HTR4: variants seen among roughly 807,000 people sequenced by gnomAD.
The protein encoded by HTR4 is 5-hydroxytryptamine receptor 4, also known as 5-hydroxytryptamine (serotonin) receptor 4, G protein-coupled.
In HTR4, 16 loss-of-function variants were observed where a neutral mutation model predicts 36.8. That is an observed-to-expected ratio of 0.43 (90% CI 0.29 to 0.66). The LOEUF (loss-of-function observed/expected upper bound fraction) is 0.66. Ranked by LOEUF, HTR4 falls within the 30% of genes least tolerant of loss-of-function variation. HTR4 has a pLI of 0.13. For missense variants in HTR4, 438 were observed against 490.9 expected (o/e 0.89, Z 1.02); for synonymous variants, 189 against 185.1 (o/e 1.02, Z -0.17).
At chr5:148,562,002 C>T (rs544984379) in intron 2 of HTR4, among the ~76,000 whole-genome samples, 2 of 152,316 alleles carry the variant, frequency 1.3e-5, no homozygotes, top group African/African-American at 4.8e-5. Flanking sequence ...TCTCTTCTTA[C>T]TTCTGCCTCT....
chr5:148,523,140 C>A (rs7725785), intron 5 of HTR4, 53 bp downstream of exon 5: 129,621 of 1,453,676 alleles, frequency 0.089, 11,069 homozygotes, highest in African/African-American at 0.39. Flanking sequence ...ATTTAGGAAC[C>A]CCATGCAAAG....
At chr5:148,532,999 A>G (rs1471913310) in intron 4 of HTR4, among the ~76,000 whole-genome samples, 1 of 152,208 alleles carries the variant, frequency 6.6e-6, no homozygotes, top group Non-Finnish European at 1.5e-5. Context: ...AGGAGTTACC[A>G]AAAGATTTTT....
At chr5:148,569,576 G>C (rs1261802104) in intron 2 of HTR4, among the ~76,000 whole-genome samples, 2 of 150,994 alleles carry the variant, frequency 1.3e-5, no homozygotes. Context: ...TTATTTTATT[G>C]TATGTATATT....
intron 1 of HTR4, among the ~76,000 whole-genome samples, chr5:148,637,660 C>A (rs1054507989): frequency 1.3e-5 from 2 of 152,102 alleles, no homozygotes; most frequent in African/African-American, 4.8e-5. Context: ...AATTCCCAAT[C>A]GAAGGAGAGT....
intron 2 of HTR4, among the ~76,000 whole-genome samples, chr5:148,581,275 T>C (rs1246436006): frequency 6.6e-6 from 1 of 152,082 alleles, no homozygotes; most frequent in Admixed American, 6.6e-5. Context: ...GGCTAGCAAC[T>C]ATTTTCTCTC....
At chr5:148,653,721 C>G (rs1289369456) in intron 1 of HTR4, among the ~76,000 whole-genome samples, 2 of 152,134 alleles carry the variant, frequency 1.3e-5, no homozygotes, top group Admixed American at 6.5e-5. Context: ...AGCCTGTGCG[C>G]GCTCTCTCTT....
At chr5:148,451,123 G>A (rs1423043710) in exon 6 of HTR4, 4 of 1,609,252 alleles carry the variant, frequency 2.5e-6, no homozygotes, top group Non-Finnish European at 3.4e-6. Context: ...GTGATGCCAG[G>A]GTGACCTGTT....
intron 5 of HTR4, among the ~76,000 whole-genome samples, chr5:148,467,902 T>G (rs1194112731): frequency 6.6e-6 from 1 of 152,216 alleles, no homozygotes; most frequent in Non-Finnish European, 1.5e-5. Flanking sequence ...CCACAAACCC[T>G]TGAGGTTGGT....
At chr5:148,609,888 G>A (rs1158636318) in intron 2 of HTR4, among the ~76,000 whole-genome samples, 1 of 152,068 alleles carries the variant, frequency 6.6e-6, no homozygotes, top group Admixed American at 6.6e-5. Flanking sequence ...TGCCCAGCTG[G>A]TATTTTTTTT....
At chr5:148,534,657 G>A (rs1305974463) in intron 4 of HTR4, among the ~76,000 whole-genome samples, 3 of 152,070 alleles carry the variant, frequency 2.0e-5, no homozygotes, top group Non-Finnish European at 4.4e-5. Flanking sequence ...TTGACCCAAG[G>A]AGAGGAGGCC....
chr5:148,627,174 T>C (rs567874558), intron 2 of HTR4, among the ~76,000 whole-genome samples: 5 of 152,318 alleles, frequency 3.3e-5, no homozygotes, highest in African/African-American at 1.2e-4. Flanking sequence ...GTCAACCCTG[T>C]AACCCTATTT....
At chr5:148,568,117 C>T (rs1357743267) in intron 2 of HTR4, among the ~76,000 whole-genome samples, 1 of 152,146 alleles carries the variant, frequency 6.6e-6, no homozygotes, top group African/African-American at 2.4e-5. Flanking sequence ...ATGAAATACT[C>T]TATCTTTTCC....
intron 2 of HTR4, among the ~76,000 whole-genome samples, chr5:148,581,342 G>A (rs774942075): frequency 1.8e-4 from 28 of 151,788 alleles, no homozygotes; most frequent in Admixed American, 1.3e-3. Context: ...AAGTGTTTTC[G>A]TTTAATGTAG....
At chr5:148,471,270 G>A (rs1233476659) in intron 5 of HTR4, among the ~76,000 whole-genome samples, 1 of 152,174 alleles carries the variant, frequency 6.6e-6, no homozygotes, top group Non-Finnish European at 1.5e-5. Flanking sequence ...CAGGCTGAGA[G>A]CTAGCCGACC....
rs56021250 is a variant in HTR4 at position 148,540,400 on chromosome 5, GTATATATATATATATATATATA to G, written c.353+8246_353+8267del. Among the ~76,000 whole-genome samples, 78 of 74,288 alleles carry G rather than the reference GTATATATATATATATATATATA, an allele frequency of 1.0e-3. 2 individuals carry two copies. Among genetic ancestry groups the G allele is most frequent in the Admixed American group, 2.1e-3 (14 of 6,772 alleles). The allele number at this position is 74,288 out of a possible 152,430, so 48.7% of individuals were successfully genotyped here. The stretch of plus-strand genomic sequence containing the variant: ...ATTTTAGGTTTTATTTTATGTGTGT[GTATATATATATATATATATATA>G]TATATATATATATATATATATATAT... On this transcript the variant is annotated intron_variant, in intron 4 of 6. Transcript: ENST00000377888.
At chr5:148,557,347 A>C (rs1272175710) in intron 2 of HTR4, among the ~76,000 whole-genome samples, 1 of 146,098 alleles carries the variant, frequency 6.8e-6, no homozygotes, top group Non-Finnish European at 1.6e-5. Flanking sequence ...AGTGGGAAGA[A>C]GCACAAATAA....
intron 5 of HTR4, among the ~76,000 whole-genome samples, chr5:148,511,474 G>T (rs571765437): frequency 4.6e-5 from 7 of 152,024 alleles, no homozygotes; most frequent in African/African-American, 1.7e-4. Context: ...GCATGTACAG[G>T]CAGTTTATTC....
At chr5:148,590,378 AACCTCC>A (rs1238648498) in intron 2 of HTR4, among the ~76,000 whole-genome samples, 15 of 134,670 alleles carry the variant, frequency 1.1e-4, no homozygotes, top group African/African-American at 4.4e-4. Context: ...GGCTCACCAC[AACCTCC>A]ACCTCCCGGT....
At chr5:148,529,648 G>A (rs569364859) in intron 4 of HTR4, among the ~76,000 whole-genome samples, 2 of 152,218 alleles carry the variant, frequency 1.3e-5, no homozygotes, top group Non-Finnish European at 2.9e-5. Context: ...TTGGTACCAG[G>A]AGTGGGGTGC....
Sources: gnomAD v4.1 joint callset for allele counts (sites outside exome capture counted in the v4.1 genomes callset) on GRCh38, gnomAD v4.1.1 for gene constraint, MANE v1.5 for transcripts, NCBI Gene and HGNC (gene_info 2026-07-23, HGNC 2026-07-21) for gene names.